Variants in SNTB1 observed in about 807,000 individuals in gnomAD.
SNTB1 encodes syntrophin beta 1.
SNTB1 carries 36 observed loss-of-function variants against 48.9 expected under a neutral mutation model. That is an observed-to-expected ratio of 0.74 (90% confidence interval 0.56 to 0.97). The LOEUF (loss-of-function observed/expected upper bound fraction) is 0.97. Among genes scored for constraint, SNTB1 ranks in the 50% least tolerant of loss-of-function variants. The pLI, the probability that SNTB1 is intolerant of heterozygous loss-of-function variation, is 0.00. For synonymous variants in SNTB1, 299 were observed against 294.6 expected (o/e 1.01, Z -0.15); for missense variants, 786 against 703.4 (o/e 1.12, Z -1.33).
Position 120,615,151 on chromosome 8 carries a change from A to G in SNTB1, c.996+17293T>C, listed in dbSNP as rs746965797. Among the ~76,000 whole-genome samples, 8 of 152,030 alleles carry G rather than the reference A, an allele frequency of 5.3e-5. 1 individual carries two copies. Among genetic ancestry groups the G allele is most frequent in the Non-Finnish European group, 1.2e-4 (8 of 68,006 alleles). ...GGTGACAGAGCGAGACTACATCTCAAAACAAAACAAAAAAAACAAAACAAA... is the reference window on the plus strand; with the variant it reads ...GGTGACAGAGCGAGACTACATCTCAGAACAAAACAAAAAAAACAAAACAAA... On this transcript the variant is annotated intron_variant, in intron 3 of 6. Transcript: ENST00000517992.
rs373221245 is a variant in SNTB1, at chr8:120,599,672, G to A, written c.997-24447C>T. Among the ~76,000 whole-genome samples, 21 of 152,254 alleles carry A rather than the reference G, an allele frequency of 1.4e-4. No individual in the cohort carries two copies. In the East Asian group the frequency reaches 3.9e-3, roughly 28 times the overall value. ...TGAACCCTGAAATCTATAATTTGAAGAATAATTAAGAGTTATTTTATATAT... is the reference window on the plus strand; with the variant it reads ...TGAACCCTGAAATCTATAATTTGAAAAATAATTAAGAGTTATTTTATATAT... On this transcript the variant is annotated intron_variant, in intron 3 of 6. Coordinates refer to ENST00000517992, the MANE Select transcript of SNTB1 (RefSeq NM_021021.4).
At chr8:120,689,626 CT>C (rs1818093041) in intron 2 of SNTB1, among the ~76,000 whole-genome samples, 1 of 152,156 alleles carries the variant, frequency 6.6e-6, no homozygotes, top group African/African-American at 2.4e-5. Context: ...ATCATTCCTT[CT>C]CTTCATATTT....
At chr8:120,778,245 C>T (rs1375128719) in intron 1 of SNTB1, among the ~76,000 whole-genome samples, 1 of 152,206 alleles carries the variant, frequency 6.6e-6, no homozygotes, top group Non-Finnish European at 1.5e-5. Context: ...TCTATATTTA[C>T]TCACAAAGTA....
chr8:120,694,399 C>G (rs894428936), intron 1 of SNTB1, among the ~76,000 whole-genome samples: 6 of 151,870 alleles, frequency 4.0e-5, no homozygotes, highest in African/African-American at 1.5e-4. Context: ...TATAAGAACA[C>G]ATTTTGTAGT....
At chr8:120,581,579 C>T (rs865878583) in intron 3 of SNTB1, among the ~76,000 whole-genome samples, 3 of 150,304 alleles carry the variant, frequency 2.0e-5, no homozygotes, top group South Asian at 2.1e-4. Flanking sequence ...ACTCCAGCCT[C>T]GGCAACAGAG....
At chr8:120,583,551 ACACACACAC>A (rs1436823360) in intron 3 of SNTB1, among the ~76,000 whole-genome samples, 3 of 151,052 alleles carry the variant, frequency 2.0e-5, no homozygotes, top group Admixed American at 6.6e-5. Flanking sequence ...ACACACACAC[ACACACACAC>A]AAAACTGGAA....
chr8:120,539,356 CT>C (rs1427690993), intron 6 of SNTB1, among the ~76,000 whole-genome samples: 10 of 152,178 alleles, frequency 6.6e-5, no homozygotes, highest in Admixed American at 6.5e-4. Flanking sequence ...GGTTCTGACG[CT>C]TTTTAGACGT....
chr8:120,590,812 G>A (rs924908976), intron 3 of SNTB1, among the ~76,000 whole-genome samples: 12 of 150,834 alleles, frequency 8.0e-5, no homozygotes, highest in African/African-American at 1.2e-4. Context: ...TCAGGCTCCC[G>A]AGTAGCTGGT....
At chr8:120,613,889 G>C (rs771879150) in intron 3 of SNTB1, among the ~76,000 whole-genome samples, 24 of 152,202 alleles carry the variant, frequency 1.6e-4, no homozygotes, top group Non-Finnish European at 3.4e-4. Flanking sequence ...TGTAGTGACA[G>C]AGTTGGGGAA....
intron 1 of SNTB1, among the ~76,000 whole-genome samples, chr8:120,704,398 G>A (rs1818349336): frequency 6.6e-6 from 1 of 152,082 alleles, no homozygotes; most frequent in African/African-American, 2.4e-5. Flanking sequence ...TGAGGCTGCA[G>A]TGAGCTATGA....
Position 120,537,522 on chromosome 8 carries a change from T to C in SNTB1, c.*1355A>G, listed in dbSNP as rs747291176. ...ACACGGTTTCACTTTTTGAAGCTCT[T>C]TGCATGGGTATTTGTTAACATATGA... On this transcript the variant is annotated 3_prime_UTR_variant, in exon 7 of 7. Coordinates refer to ENST00000517992, the MANE Select transcript of SNTB1 (RefSeq NM_021021.4). The C allele has an allele frequency of 5.3e-5, 8 of 152,214 alleles. No homozygotes were observed. The highest frequency in any genetic ancestry group is 1.2e-4 in the Non-Finnish European group (8 of 68,032). 9.4% of individuals were successfully genotyped at this position (152,214 alleles called of 1,614,324 possible).
Position 120,536,800 on chromosome 8 carries a change from T to G in SNTB1, c.*2077A>C, listed in dbSNP as rs1027811053. ...GAAATCATATTTGTAATTATGATCA[T>G]TTTAATTTGTCTATAAATATATAAT... On this transcript the variant is annotated 3_prime_UTR_variant, in exon 7 of 7. Transcript: ENST00000517992. 1 of 152,132 alleles carries G rather than the reference T, an allele frequency of 6.6e-6. No individual in the cohort carries two copies. Among genetic ancestry groups the G allele is most frequent in the Non-Finnish European group, 1.5e-5 (1 of 67,992 alleles). The allele number at this position is 152,132 out of a possible 1,614,324, so 9.4% of individuals were successfully genotyped here.
intron 3 of SNTB1, among the ~76,000 whole-genome samples, chr8:120,604,961 G>A (rs1325724939): frequency 6.6e-6 from 1 of 152,160 alleles, no homozygotes; most frequent in Non-Finnish European, 1.5e-5. Flanking sequence ...ATAAGTCATT[G>A]CTGGATGAAT....
intron 4 of SNTB1, among the ~76,000 whole-genome samples, chr8:120,551,873 C>A (rs935106188): frequency 6.6e-6 from 1 of 152,062 alleles, no homozygotes; most frequent in African/African-American, 2.4e-5. Context: ...ATAATACCTA[C>A]CCCATAGGAT....
chr8:120,793,924 T>C (rs1454137301), intron 1 of SNTB1, among the ~76,000 whole-genome samples: 1 of 152,060 alleles, frequency 6.6e-6, no homozygotes, highest in African/African-American at 2.4e-5. Context: ...CACAGTGTCT[T>C]TCTCAATGGT....
chr8:120,758,731 T>C (rs114773578), intron 1 of SNTB1, among the ~76,000 whole-genome samples: 1,523 of 152,252 alleles, frequency 0.01, 29 homozygotes, highest in African/African-American at 0.035. Context: ...CACTACTCAA[T>C]TGCAGACTAG....
intron 1 of SNTB1, among the ~76,000 whole-genome samples, chr8:120,745,923 C>G (rs1402733804): frequency 1.3e-5 from 2 of 152,164 alleles, no homozygotes; most frequent in South Asian, 2.1e-4. Context: ...TGGTCTGAAT[C>G]TAATCCTTAC....
At chr8:120,783,030 T>C (rs1476290481) in intron 1 of SNTB1, among the ~76,000 whole-genome samples, 1 of 152,218 alleles carries the variant, frequency 6.6e-6, no homozygotes, top group Non-Finnish European at 1.5e-5. Flanking sequence ...AGTTGGTCTA[T>C]AATATGCAAT....
chr8:120,613,300 G>A (rs4259452), intron 3 of SNTB1, among the ~76,000 whole-genome samples: 55,863 of 151,516 alleles, frequency 0.37, 11,753 homozygotes, highest in Middle Eastern at 0.58. Context: ...GCAGTGAGCC[G>A]GGATTGTGCC....
Sources: allele counts gnomAD v4.1 joint callset (sites outside exome capture counted in the v4.1 genomes callset), GRCh38; gene constraint gnomAD v4.1.1; transcripts MANE v1.5; gene names NCBI Gene and HGNC (gene_info 2026-07-23, HGNC 2026-07-21).